NUCKS1: variants seen among roughly 807,000 people sequenced by gnomAD.
The protein encoded by NUCKS1 is nuclear casein kinase and cyclin dependent kinase substrate 1, also known as nuclear ubiquitous casein and cyclin-dependent kinase substrate 1.
NUCKS1 carries 2 observed loss-of-function variants against 33.0 expected under a neutral mutation model. The observed-to-expected ratio is 0.06, with a 90% CI of 0.02 to 0.19. NUCKS1 has a LOEUF of 0.19. NUCKS1 is among the 10% of genes least tolerant of loss of function. The probability of loss-of-function intolerance (pLI) is 1.00; values close to 1 mark genes in which losing one functional copy is unlikely to be tolerated. For missense variants in NUCKS1, 201 were observed against 293.6 expected (o/e 0.68, Z 2.31); for synonymous variants, 106 against 102.8 (o/e 1.03, Z -0.19).
rs373243329 is a variant in NUCKS1, at chr1:205,748,649, A to G, written c.17+1308T>C. On this transcript the variant is annotated intron_variant, in intron 1 of 6. Transcript: ENST00000367142. ...CGTGTGTAGGAGTACGCAGTCTCAT[A>G]CCACCACCAGTTGGAGGATGATCTA... 3.9e-5 allele frequency among the ~76,000 whole-genome samples: 6 copies of G among 152,192 alleles called. No homozygotes were observed. The East Asian group carries it at 1.2e-3, about 29-fold the overall frequency.
intron 4 of NUCKS1, among the ~76,000 whole-genome samples, chr1:205,721,820 G>C (rs2102431423): frequency 6.6e-6 from 1 of 150,562 alleles, no homozygotes; most frequent in South Asian, 2.1e-4. Flanking sequence ...GATTACAGGT[G>C]CGCACCACCA....
At chr1:205,745,095 C>T (rs1411075121) in intron 1 of NUCKS1, among the ~76,000 whole-genome samples, 1 of 152,126 alleles carries the variant, frequency 6.6e-6, no homozygotes, top group Non-Finnish European at 1.5e-5. Flanking sequence ...GGAATGTGGA[C>T]TTCTAATACA....
At chr1:205,736,596 A>G (rs993411498) in intron 1 of NUCKS1, among the ~76,000 whole-genome samples, 4 of 151,982 alleles carry the variant, frequency 2.6e-5, no homozygotes, top group Non-Finnish European at 5.9e-5. Flanking sequence ...AGGCCGAGGC[A>G]GTGGATCACC....
At chr1:205,723,195 C>T (rs1245466399) in intron 4 of NUCKS1, among the ~76,000 whole-genome samples, 2 of 152,106 alleles carry the variant, frequency 1.3e-5, no homozygotes, top group African/African-American at 4.8e-5. Context: ...CTTTGTCTCT[C>T]CCCTTTGTAT....
intron 2 of NUCKS1, among the ~76,000 whole-genome samples, chr1:205,728,057 C>A (rs1003369742): frequency 6.6e-6 from 1 of 152,102 alleles, no homozygotes; most frequent in African/African-American, 2.4e-5. Flanking sequence ...CCTCTCTCAT[C>A]ATTTTATACC....
At chr1:205,744,285 G>C (rs1654256535) in intron 1 of NUCKS1, among the ~76,000 whole-genome samples, 1 of 152,142 alleles carries the variant, frequency 6.6e-6, no homozygotes, top group African/African-American at 2.4e-5. Flanking sequence ...TTAATAGTTA[G>C]GTGAACTGTG....
chr1:205,716,699 CAGA>C lies in NUCKS1; in HGVS notation c.*1578_*1580del, dbSNP rs1214216639. 6.6e-6 allele frequency: 1 copy of C among 152,152 alleles called. No homozygotes were observed. Among genetic ancestry groups the C allele is most frequent in the African/African-American group, 2.4e-5 (1 of 41,430 alleles). 9.4% of individuals were successfully genotyped at this position (152,152 alleles called of 1,614,324 possible). On this transcript the variant is annotated 3_prime_UTR_variant, in exon 7 of 7. Transcript: ENST00000367142. ...TAGATTAAAAGGCAGGAAAAAAAGG[CAGA>C]AGTTTAAATTTCACTAATTTTTCAA... is the stretch of plus-strand genomic sequence containing the variant.
At chr1:205,742,130 A>G (rs780352549) in intron 1 of NUCKS1, among the ~76,000 whole-genome samples, 1 of 152,192 alleles carries the variant, frequency 6.6e-6, no homozygotes, top group Non-Finnish European at 1.5e-5. Context: ...CTTTCAGTGG[A>G]GCTAATATTT....
At chr1:205,727,668 G>A (rs1204821732) in intron 3 of NUCKS1, 32 bp downstream of exon 3, 1 of 1,399,568 alleles carries the variant, frequency 7.1e-7, no homozygotes, top group Non-Finnish European at 1.0e-6. Flanking sequence ...TGGTAACAGT[G>A]TAAGCAGGAA....
rs1395439827 is a variant in NUCKS1 at position 205,720,522 on chromosome 1, C to A, written c.361G>T (p.Asp121Tyr). The change falls in exon 5 of 7, where the codon GAT becomes TAT. Residue 121 changes from aspartate (D) to tyrosine (Y), a missense_variant. Coordinates refer to ENST00000367142, the MANE Select transcript of NUCKS1 (RefSeq NM_022731.5). ...ATACTCTCCTGGAATGGTGCCTCAT[C>A]CTCCTCTTCTTGTTCTTCCTCACTG... ...VGSEEEQEEE[D>Y]EAPFQEKDSG... The A allele has an allele frequency of 6.2e-7, 1 of 1,614,016 alleles. No homozygotes were observed. Among genetic ancestry groups the A allele is most frequent in the East Asian group, 2.2e-5 (1 of 44,874 alleles).
intron 1 of NUCKS1, among the ~76,000 whole-genome samples, chr1:205,730,614 G>T (rs539732006): frequency 6.6e-6 from 1 of 151,614 alleles, no homozygotes; most frequent in African/African-American, 2.4e-5. Flanking sequence ...TCAGCCTCCC[G>T]AGTAGCTGAG....
At chr1:205,744,781 C>T (rs1038593582) in intron 1 of NUCKS1, among the ~76,000 whole-genome samples, 1 of 151,800 alleles carries the variant, frequency 6.6e-6, no homozygotes, top group Non-Finnish European at 1.5e-5. Flanking sequence ...TATAGGCATG[C>T]GCCACCACGC....
At chr1:205,737,925 C>T (rs77431067) in intron 1 of NUCKS1, among the ~76,000 whole-genome samples, 3,127 of 152,294 alleles carry the variant, frequency 0.021, 45 homozygotes, top group African/African-American at 0.029. Flanking sequence ...ATTACCACCC[C>T]AATAAACATT....
At chr1:205,744,851 C>T (rs1419375462) in intron 1 of NUCKS1, among the ~76,000 whole-genome samples, 4 of 151,944 alleles carry the variant, frequency 2.6e-5, no homozygotes, top group Admixed American at 2.0e-4. Context: ...AGGCTGGTCT[C>T]GAACTCCCGA....
At chr1:205,730,954 A>G (rs192096558) in intron 1 of NUCKS1, among the ~76,000 whole-genome samples, 45 of 152,332 alleles carry the variant, frequency 3.0e-4, no homozygotes, top group African/African-American at 1.1e-3. Flanking sequence ...ACACACATAT[A>G]TATGTATACT....
intron 5 of NUCKS1, 84 bp from the exon 6 acceptor site, chr1:205,719,760 A>G (rs1671889002): frequency 6.9e-7 from 1 of 1,456,308 alleles, no homozygotes; most frequent in African/African-American, 1.4e-5. Flanking sequence ...AAGAATGACT[A>G]GAGGATGGGA....
intron 1 of NUCKS1, among the ~76,000 whole-genome samples, chr1:205,741,370 A>T (rs1279320408): frequency 6.6e-6 from 1 of 152,124 alleles, no homozygotes; most frequent in East Asian, 1.9e-4. Flanking sequence ...AGCATAAGAT[A>T]AAGTATTTGA....
At position 205,717,348 on chromosome 1, in the gene NUCKS1, G is replaced by T. The variant is rs1671839729; in HGVS notation, c.*932C>A. The stretch of plus-strand genomic sequence containing the variant: ...AACCTAAACATTGTCAGTTTGAAAA[G>T]AAATCCACTGTGACCTGTAGACTGA... On this transcript the variant is annotated 3_prime_UTR_variant, in exon 7 of 7. Coordinates refer to ENST00000367142, the MANE Select transcript of NUCKS1 (RefSeq NM_022731.5). The T allele has an allele frequency of 1.0e-6, 1 of 985,256 alleles. No homozygotes were observed. The highest frequency in any genetic ancestry group is 1.8e-5 in the African/African-American group (1 of 56,940). The allele number at this position is 985,256 out of a possible 1,614,324, so 61.0% of individuals were successfully genotyped here.
chr1:205,737,394 G>A (rs900372096), intron 1 of NUCKS1, among the ~76,000 whole-genome samples: 1 of 152,116 alleles, frequency 6.6e-6, no homozygotes, highest in African/African-American at 2.4e-5. Context: ...AATTTAATCA[G>A]CACACCATCA....
Sources: allele counts gnomAD v4.1 joint callset (sites outside exome capture counted in the v4.1 genomes callset), GRCh38; gene constraint gnomAD v4.1.1; transcripts MANE v1.5; gene names NCBI Gene and HGNC (gene_info 2026-07-23, HGNC 2026-07-21).